Variants in SLC23A2 observed in about 807,000 individuals in gnomAD.
SLC23A2 encodes Na(+)/L-ascorbic acid transporter 2.
In SLC23A2, 36 loss-of-function variants were observed where a neutral mutation model predicts 73.3. That is an observed-to-expected ratio of 0.49 (90% CI 0.38 to 0.65). The LOEUF (loss-of-function observed/expected upper bound fraction) is 0.65. Ranked by LOEUF, SLC23A2 falls within the 30% of genes least tolerant of loss-of-function variation. SLC23A2 has a pLI of 0.00. For synonymous variants in SLC23A2, 343 were observed against 327.3 expected, an observed-to-expected ratio of 1.05 and a Z score of -0.52; for missense variants, 507 against 841.6, an observed-to-expected ratio of 0.60 and a Z score of 4.92.
intron 2 of SLC23A2, among the ~76,000 whole-genome samples, chr20:4,958,895 G>C (rs1160657292): frequency 6.6e-6 from 1 of 151,954 alleles, no homozygotes; most frequent in Non-Finnish European, 1.5e-5. Context: ...TGATTTTTAA[G>C]TTTCATTCTT....
upstream of SLC23A2, among the ~76,000 whole-genome samples, chr20:5,001,737 C>G (rs1039410101): frequency 4.6e-5 from 7 of 151,890 alleles, no homozygotes; most frequent in Non-Finnish European, 8.8e-5. Context: ...AGATCGCCCC[C>G]CTTCGCGACC....
At chr20:4,894,970 G>C (rs1372947291) in intron 6 of SLC23A2, among the ~76,000 whole-genome samples, 1 of 152,092 alleles carries the variant, frequency 6.6e-6, no homozygotes, top group Non-Finnish European at 1.5e-5. Flanking sequence ...CACAATAGAG[G>C]GCCCACCCCT....
chr20:4,865,539 A>G (rs927828276), intron 13 of SLC23A2, among the ~76,000 whole-genome samples: 1 of 152,230 alleles, frequency 6.6e-6, no homozygotes, highest in African/African-American at 2.4e-5. Flanking sequence ...AAATTTTAAT[A>G]AAAGGAATGA....
intron 3 of SLC23A2, among the ~76,000 whole-genome samples, chr20:4,930,193 G>C (rs1329156089): frequency 6.6e-6 from 1 of 152,144 alleles, no homozygotes; most frequent in African/African-American, 2.4e-5. Flanking sequence ...GTGAAGGGAA[G>C]TGAGAGTGAA....
chr20:4,897,312 G>T (rs1931573993), intron 6 of SLC23A2, among the ~76,000 whole-genome samples: 1 of 152,194 alleles, frequency 6.6e-6, no homozygotes, highest in African/African-American at 2.4e-5. Flanking sequence ...TTGCTGACGT[G>T]ATTAGAGTCA....
At chr20:4,886,992 G>C (rs932231243) in intron 6 of SLC23A2, among the ~76,000 whole-genome samples, 1 of 152,206 alleles carries the variant, frequency 6.6e-6, no homozygotes, top group Admixed American at 6.5e-5. Flanking sequence ...CAAGTCCAGA[G>C]CCCAGCACAC....
intron 3 of SLC23A2, among the ~76,000 whole-genome samples, chr20:4,914,485 T>A (rs1001816463): frequency 6.6e-6 from 1 of 152,098 alleles, no homozygotes; most frequent in Non-Finnish European, 1.5e-5. Flanking sequence ...CCTGTGTTCT[T>A]GGAGAGAACA....
At chr20:4,969,053 T>C (rs1223753951) in intron 2 of SLC23A2, among the ~76,000 whole-genome samples, 1 of 151,644 alleles carries the variant, frequency 6.6e-6, no homozygotes, top group Non-Finnish European at 1.5e-5. Flanking sequence ...TAGAGACTTC[T>C]TTATTAGAAG....
intron 1 of SLC23A2, among the ~76,000 whole-genome samples, chr20:4,991,141 T>C (rs974176463): frequency 6.6e-6 from 1 of 152,058 alleles, no homozygotes; most frequent in Non-Finnish European, 1.5e-5. Flanking sequence ...GGTGTCTCCC[T>C]CTATTGCCCA....
chr20:4,942,729 CAG>C, intron 2 of SLC23A2, among the ~76,000 whole-genome samples: 1 of 152,324 alleles, frequency 6.6e-6, no homozygotes, highest in Non-Finnish European at 1.5e-5. Flanking sequence ...TGGCACTGTC[CAG>C]AAGTTTTCAG....
At chr20:5,006,246 T>C (rs73612154), upstream of SLC23A2, among the ~76,000 whole-genome samples, 32 of 151,638 alleles carry the variant, frequency 2.1e-4, no homozygotes, top group East Asian at 6.0e-3. Flanking sequence ...TACAGGCGCC[T>C]GCCACCGCAC....
At chr20:4,870,317 G>T (rs762620611) in intron 11 of SLC23A2, among the ~76,000 whole-genome samples, 1 of 152,156 alleles carries the variant, frequency 6.6e-6, no homozygotes, top group African/African-American at 2.4e-5. Flanking sequence ...GGTGGCTCAC[G>T]CCTGTAATCC....
Position 4,943,505 on chromosome 20 carries a change from C to CAA in SLC23A2, c.-154-10791_-154-10790dup, listed in dbSNP as rs113137051. 5.0e-5 allele frequency among the ~76,000 whole-genome samples: 7 copies of CAA among 139,200 alleles called. No homozygotes were observed. The East Asian group carries it at 6.3e-4, about 13-fold the overall frequency. 91.3% of individuals were successfully genotyped at this position (139,200 alleles called of 152,430 possible). Reference sequence around the variant, plus strand: ...CAACGTGACGAAACCCCATTTCTACCAAAAAAAAAAAACAGAAAAATTAGC... The same window carrying CAA: ...CAACGTGACGAAACCCCATTTCTACCAAAAAAAAAAAAAACAGAAAAATTAGC... On this transcript the variant is annotated intron_variant, in intron 2 of 16. Coordinates refer to ENST00000338244, the MANE Select transcript of SLC23A2 (RefSeq NM_005116.6).
chr20:4,994,834 T>C (rs1056961259), intron 1 of SLC23A2, among the ~76,000 whole-genome samples: 2 of 151,120 alleles, frequency 1.3e-5, no homozygotes, highest in Non-Finnish European at 2.9e-5. Flanking sequence ...CTCAGGAGGC[T>C]GAGGCAGGAG....
At chr20:4,959,473 A>G (rs1355534148) in intron 2 of SLC23A2, among the ~76,000 whole-genome samples, 4 of 152,138 alleles carry the variant, frequency 2.6e-5, no homozygotes, top group Non-Finnish European at 4.4e-5. Context: ...ATGTACATAA[A>G]TGTTAATAAT....
intron 1 of SLC23A2, among the ~76,000 whole-genome samples, chr20:4,983,209 C>T (rs2087754347): frequency 6.6e-6 from 1 of 152,090 alleles, no homozygotes; most frequent in African/African-American, 2.4e-5. Context: ...CTATAAAATT[C>T]TTAGAAGAAA....
chr20:4,937,257 G>A (rs1347908678), intron 2 of SLC23A2, among the ~76,000 whole-genome samples: 1 of 152,144 alleles, frequency 6.6e-6, no homozygotes, highest in East Asian at 1.9e-4. Flanking sequence ...TTTAACTTCT[G>A]TATTAAAACA....
At position 4,883,787 on chromosome 20, in the gene SLC23A2, C is replaced by T; in HGVS notation, c.679G>A (p.Val227Ile). 3 of 1,613,322 alleles carry T rather than the reference C, an allele frequency of 1.9e-6. No homozygotes were observed. The highest frequency in any genetic ancestry group is 2.5e-6 in the Non-Finnish European group (3 of 1,179,634). Reference protein sequence around the residue: ...GAIIMSSLIEVVIGLLGLPGA... With the variant: ...GAIIMSSLIEIVIGLLGLPGA... ...GGCAGGCCGAGGAGGCCGATGACTA[C>T]TTCTATCAGTGAGGACATGATGATG... Residue 227 changes from valine to isoleucine, a missense_variant, in exon 9 of 17, where the codon GTA (valine) becomes ATA (isoleucine). Physicochemically the swap from Val to Ile is conservative, Grantham distance 29. This residue lies in a region of SLC23A2 where 217 missense variants were observed against 398.0 expected (regional missense o/e 0.55). Coordinates refer to ENST00000338244, the MANE Select transcript of SLC23A2 (RefSeq NM_005116.6). The surrounding 1 kb of genome is among the most constrained non-coding windows in gnomAD (Gnocchi z 4.5).
chr20:4,867,911 C>T (rs765156250), intron 12 of SLC23A2, 36 bp from the exon 13 acceptor site: 2 of 1,215,272 alleles, frequency 1.6e-6, no homozygotes, highest in South Asian at 2.4e-5. Flanking sequence ...GAAAATCATT[C>T]AATGGGATAA....
Sources: gnomAD v4.1 joint callset for allele counts (sites outside exome capture counted in the v4.1 genomes callset) on GRCh38, gnomAD v4.1.1 for gene constraint, gnomAD v4.1.1 regional missense constraint, Gnocchi (gnomAD v3.1) non-coding constraint, MANE v1.5 for transcripts, NCBI Gene and HGNC (gene_info 2026-07-23, HGNC 2026-07-21) for gene names.